DENND4C: variants seen among roughly 807,000 people sequenced by gnomAD.
The protein encoded by DENND4C is DENN domain containing 4C.
In DENND4C, 108 loss-of-function variants were observed where a neutral mutation model predicts 203.0. That is an observed-to-expected ratio of 0.53 (90% CI 0.46 to 0.62). DENND4C has a LOEUF of 0.62. Among genes scored for constraint, DENND4C ranks in the 20% least tolerant of loss-of-function variants. The pLI is 0.00. For missense variants in DENND4C, 2,481 were observed against 2,301.2 expected, an observed-to-expected ratio of 1.08 and a Z score of -1.60; for synonymous variants, 871 against 792.4, an observed-to-expected ratio of 1.10 and a Z score of -1.67.
rs532623141 is a variant in DENND4C at position 19,328,097 on chromosome 9, A to G, written c.2188A>G (p.Ser730Gly). The G allele has an allele frequency of 6.2e-7, 1 of 1,613,702 alleles. No individual in the cohort carries two copies. The highest frequency in any genetic ancestry group is 8.5e-7 in the Non-Finnish European group (1 of 1,179,876). The stretch of plus-strand genomic sequence containing the variant: ...ACCGCAGGAGTTGAAACTTTGTTTT[A>G]GTAGACACCCTACTGGGAATAGCAT... The part of the protein sequence containing the change: ...DRPQELKLCF[S>G]RHPTGNSITK... Residue 730 changes from serine (S) to glycine (G), a missense_variant, in exon 16 of 33, where the codon AGT (serine) becomes GGT (glycine). Physicochemically the swap from Ser to Gly is moderately conservative, Grantham distance 56. Transcript: ENST00000434457.
At chr9:19,348,961 C>T (rs1823506096) in intron 23 of DENND4C, among the ~76,000 whole-genome samples, 1 of 152,106 alleles carries the variant, frequency 6.6e-6, no homozygotes, top group Admixed American at 6.6e-5. Context: ...GCGTGCCCCA[C>T]CATGACTGCT....
intron 20 of DENND4C, among the ~76,000 whole-genome samples, chr9:19,339,752 C>A (rs1366797627): frequency 6.6e-6 from 1 of 152,176 alleles, no homozygotes. Context: ...CTTGCCTGAA[C>A]CAGTCATTAC....
intron 12 of DENND4C, among the ~76,000 whole-genome samples, chr9:19,318,844 A>G (rs995987518): frequency 6.6e-6 from 1 of 152,192 alleles, no homozygotes; most frequent in Non-Finnish European, 1.5e-5. Flanking sequence ...AAATAGTTAC[A>G]TTCCGAGGTA....
In DENND4C at chr9:19,369,852, C is replaced by T. The variant is rs1210850837; in HGVS notation, c.5540C>T (p.Ser1847Leu). 5.7e-6 allele frequency: 9 copies of T among 1,590,726 alleles called. No homozygotes were observed. Among genetic ancestry groups the T allele is most frequent in the Non-Finnish European group, 7.7e-6 (9 of 1,170,788 alleles). The change falls in exon 31 of 33, where the codon TCA becomes TTA. Residue 1847 changes from serine (S) to leucine (L), a missense_variant. Coordinates refer to ENST00000434457, the MANE Select transcript of DENND4C (RefSeq NM_001330640.2). ...TTATTGTTAGATTCTGAAAAGAAAT[C>T]ATCTCTCCTGTCAGAGGAACAACAA... ...SWRNFNSEKK[S>L]SLLSEEQQET...
rs1045978560 is a variant in DENND4C, at chr9:19,316,265, C to T, written c.1488-152C>T. ...GTCGATTGAATGAAAAGAGAACTTC[C>T]TTGAAATTCACTTATTCAAATTGTT... On this transcript the variant is annotated intron_variant, in intron 10 of 32. Coordinates refer to ENST00000434457, the MANE Select transcript of DENND4C (RefSeq NM_001330640.2). 7 of 596,920 alleles carry T rather than the reference C, an allele frequency of 1.2e-5. No homozygotes were observed. In the African/African-American group the frequency reaches 1.3e-4, roughly 11 times the overall value. The allele number at this position is 596,920 out of a possible 1,614,324, so 37.0% of individuals were successfully genotyped here.
Position 19,346,287 on chromosome 9 carries a change from G to C in DENND4C, c.3518G>C (p.Arg1173Thr). The C allele has an allele frequency of 1.2e-6, 2 of 1,614,164 alleles. No homozygotes were observed. The highest frequency in any genetic ancestry group is 1.7e-6 in the Non-Finnish European group (2 of 1,180,030). Residue 1173 changes from arginine to threonine, a missense_variant, in exon 23 of 33, where the codon AGA becomes ACA. Around this residue, in one of 3 missense-constraint regions of DENND4C, gnomAD observed 2,289 missense variants for 2,113.3 expected, o/e 1.08. Transcript: ENST00000434457. ...MSESTWNPEH[R>T]SSPVPEMLEE... is the part of the protein sequence containing the mutation. ...GAAAGCACTTGGAATCCTGAGCACA[G>C]ATCATCTCCGGTGCCAGAGATGCTT...
At chr9:19,330,131 G>C (rs1176274790) in intron 16 of DENND4C, among the ~76,000 whole-genome samples, 1 of 151,774 alleles carries the variant, frequency 6.6e-6, no homozygotes, top group Non-Finnish European at 1.5e-5. Context: ...ACTGTTACCA[G>C]CTAACAAAAG....
At chr9:19,320,923 A>G (rs528884312) in intron 12 of DENND4C, among the ~76,000 whole-genome samples, 13 of 152,346 alleles carry the variant, frequency 8.5e-5, no homozygotes, top group East Asian at 5.8e-4. Context: ...GCTTTTCTCT[A>G]CTAATTAGTA....
chr9:19,246,164 A>G (rs1485031914), intron 1 of DENND4C, among the ~76,000 whole-genome samples: 3 of 152,220 alleles, frequency 2.0e-5, no homozygotes, highest in African/African-American at 7.2e-5. Context: ...GTTGAGTGAT[A>G]AAACTCTTGT....
chr9:19,370,979 C>G (rs927809486), intron 31 of DENND4C, among the ~76,000 whole-genome samples: 2 of 152,134 alleles, frequency 1.3e-5, no homozygotes, highest in African/African-American at 4.8e-5. Context: ...TAGAGATGAC[C>G]TTCTTCACAG....
rs575003208 is a variant in DENND4C at position 19,263,039 on chromosome 9, T to C, written c.-17-13119T>C. Among the ~76,000 whole-genome samples, 15 of 152,346 alleles carry C rather than the reference T, an allele frequency of 9.8e-5. No individual in the cohort carries two copies. In the East Asian group the frequency reaches 2.7e-3, roughly 27 times the overall value. On this transcript the variant is annotated intron_variant, in intron 1 of 32. Coordinates refer to ENST00000434457, the MANE Select transcript of DENND4C (RefSeq NM_001330640.2). ...ATATCTTAGAGGAAGGCTTTTAATA[T>C]AATACTAAATGGGGAAAACAGTCTG...
At chr9:19,337,104 A>G (rs966251233) in intron 20 of DENND4C, among the ~76,000 whole-genome samples, 1 of 152,230 alleles carries the variant, frequency 6.6e-6, no homozygotes, top group Admixed American at 6.5e-5. Context: ...ATAATTAGGA[A>G]TCATGAGCTA....
chr9:19,282,715 C>CTTTTTT lies in DENND4C; in HGVS notation c.306-4040_306-4035dup, dbSNP rs1554717864. Among the ~76,000 whole-genome samples the CTTTTTT allele has an allele frequency of 6.5e-4, 56 of 86,652 alleles. 1 individual carries two copies. The highest frequency in any genetic ancestry group is 1.6e-3 in the East Asian group (4 of 2,480). 56.8% of individuals were successfully genotyped at this position (86,652 alleles called of 152,430 possible). On this transcript the variant is annotated intron_variant, in intron 2 of 32. Transcript: ENST00000434457. ...TTTTCTTTTTCTTTTTTTCTTCTCTCTTTTTTTTTTTTTTTTTTTGAGACA... is the reference window on the plus strand; with the variant it reads ...TTTTCTTTTTCTTTTTTTCTTCTCTCTTTTTTTTTTTTTTTTTTTTTTTTTGAGACA...
intron 5 of DENND4C, among the ~76,000 whole-genome samples, chr9:19,295,228 C>T (rs1047496587): frequency 2.6e-5 from 4 of 151,494 alleles, no homozygotes; most frequent in African/African-American, 7.3e-5. Context: ...AAAATTAGGC[C>T]GGGCGCAGTG....
intron 1 of DENND4C, among the ~76,000 whole-genome samples, chr9:19,256,732 A>T (rs1446609026): frequency 6.6e-6 from 1 of 152,188 alleles, no homozygotes; most frequent in African/African-American, 2.4e-5. Context: ...GAGAAAAAAT[A>T]CTTTAAAATT....
chr9:19,358,169 C>A lies in DENND4C; in HGVS notation c.5160+9C>A. ...GTCTGCAGGAAGTTGTGGTATGTAA[C>A]AACAACAACATTGTAATTATACTGC... On this transcript the variant is annotated intron_variant, in intron 28 of 32. Transcript: ENST00000434457. This position sits in a 1 kb window ranked among gnomAD's most constrained non-coding sequence, Gnocchi z 4.8. 6.2e-7 allele frequency: 1 copy of A among 1,605,668 alleles called. No homozygotes were observed. Among genetic ancestry groups the A allele is most frequent in the Non-Finnish European group, 8.5e-7 (1 of 1,173,848 alleles).
chr9:19,270,582 A>G (rs1831442469), intron 1 of DENND4C, among the ~76,000 whole-genome samples: 1 of 152,214 alleles, frequency 6.6e-6, no homozygotes, highest in South Asian at 2.1e-4. Context: ...CACATTTTTA[A>G]AAATCCATTC....
chr9:19,231,928 T>G (rs183931471), intron 1 of DENND4C, among the ~76,000 whole-genome samples: 1 of 152,148 alleles, frequency 6.6e-6, no homozygotes, highest in Non-Finnish European at 1.5e-5. Context: ...AGAACGTTAG[T>G]GCTAAGGCGC....
intron 15 of DENND4C, among the ~76,000 whole-genome samples, chr9:19,326,591 G>C (rs950054083): frequency 2.6e-5 from 4 of 152,084 alleles, no homozygotes; most frequent in African/African-American, 7.2e-5. Flanking sequence ...ATAAAGGATA[G>C]GATTTGGATG....
Sources: gnomAD v4.1 joint callset for allele counts (sites outside exome capture counted in the v4.1 genomes callset) on GRCh38, gnomAD v4.1.1 for gene constraint, gnomAD v4.1.1 regional missense constraint, Gnocchi (gnomAD v3.1) non-coding constraint, MANE v1.5 for transcripts, NCBI Gene and HGNC (gene_info 2026-07-23, HGNC 2026-07-21) for gene names.